SYT17: variants seen among roughly 807,000 people sequenced by gnomAD.
SYT17 encodes the protein synaptotagmin-17.
SYT17 carries 22 observed loss-of-function variants against 46.7 expected under a neutral mutation model. That is an observed-to-expected ratio of 0.47 (90% CI 0.34 to 0.67). SYT17 has a LOEUF of 0.67. Ranked by LOEUF, SYT17 falls within the 30% of genes least tolerant of loss-of-function variation. The pLI is 0.01. For missense variants in SYT17, 519 were observed against 612.8 expected, an observed-to-expected ratio of 0.85 and a Z score of 1.62; for synonymous variants, 251 against 248.4, an observed-to-expected ratio of 1.01 and a Z score of -0.10.
In SYT17 at chr16:19,211,033, G is replaced by C. The variant is rs74011541; in HGVS notation, c.952-12012G>C. The C allele has an allele frequency of 3.8e-3, 638 of 169,948 alleles. 8 individuals carry two copies. Among genetic ancestry groups the C allele is most frequent in the African/African-American group, 0.015 (612 of 42,180 alleles). 10.5% of individuals were successfully genotyped at this position (169,948 alleles called of 1,614,324 possible). On this transcript the variant is annotated intron_variant, in intron 5 of 7. Transcript: ENST00000355377. ...TGCCGGGAGAGAGAATTTTTGTCTG[G>C]GTAGAGAGGAGAGAGCTGAGCCACA...
At chr16:19,187,866 C>T (rs761661164) in intron 5 of SYT17, among the ~76,000 whole-genome samples, 7 of 152,134 alleles carry the variant, frequency 4.6e-5, no homozygotes, top group Non-Finnish European at 1.5e-5. Flanking sequence ...GAAAAAGGAA[C>T]GCTTATACAC....
intron 7 of SYT17, among the ~76,000 whole-genome samples, chr16:19,232,865 A>AACAC (rs1966754364): frequency 6.6e-6 from 1 of 151,234 alleles, no homozygotes; most frequent in Admixed American, 6.6e-5. Flanking sequence ...CAAACAAACA[A>AACAC]ACTCTCTAGC....
intron 5 of SYT17, among the ~76,000 whole-genome samples, chr16:19,192,593 A>G (rs1440075184): frequency 3.8e-4 from 58 of 152,146 alleles, no homozygotes; most frequent in Admixed American, 3.8e-3. Context: ...TTCATAAGAA[A>G]ACGTTGAGGA....
chr16:19,176,711 C>G (rs545855151), intron 3 of SYT17, among the ~76,000 whole-genome samples: 15 of 152,274 alleles, frequency 9.9e-5, no homozygotes, highest in African/African-American at 3.1e-4. Context: ...AGATAGGCGT[C>G]TCATTGTGTT....
At chr16:19,224,599 GGAT>G (rs1966435103) in intron 6 of SYT17, 81 bp from the exon 7 acceptor site, 2 of 1,457,630 alleles carry the variant, frequency 1.4e-6, no homozygotes, top group African/African-American at 2.8e-5. Context: ...AAAGACAGAT[GGAT>G]GGGAGGTTGA....
chr16:19,255,174 C>T (rs1048215402), intron 7 of SYT17, among the ~76,000 whole-genome samples: 4 of 152,132 alleles, frequency 2.6e-5, no homozygotes, highest in Non-Finnish European at 4.4e-5. Context: ...GCTCCTTTAC[C>T]CTGTGAATCT....
intron 7 of SYT17, among the ~76,000 whole-genome samples, chr16:19,242,081 G>C (rs906362210): frequency 1.3e-5 from 2 of 152,198 alleles, no homozygotes; most frequent in African/African-American, 2.4e-5. Context: ...ACTAGAATCT[G>C]AGCTCTCAGT....
intron 7 of SYT17, among the ~76,000 whole-genome samples, chr16:19,227,101 C>A (rs536046258): frequency 1.3e-5 from 2 of 152,252 alleles, no homozygotes; most frequent in East Asian, 3.9e-4. Context: ...ATACAGGACA[C>A]TTCACAGGAT....
intron 7 of SYT17, among the ~76,000 whole-genome samples, chr16:19,261,593 G>A (rs1968980380): frequency 1.3e-5 from 2 of 152,164 alleles, no homozygotes. Context: ...CTTTCTGTAA[G>A]AAGTTCAAAC....
intron 5 of SYT17, among the ~76,000 whole-genome samples, chr16:19,202,570 A>G (rs1394104052): frequency 2.0e-5 from 3 of 152,158 alleles, no homozygotes; most frequent in African/African-American, 7.2e-5. Flanking sequence ...TGGTGTCAGA[A>G]CTCAACCTCC....
chr16:19,170,196 T>C (rs570667580), intron 1 of SYT17: 1 of 152,268 alleles, frequency 6.6e-6, no homozygotes, highest in Admixed American at 6.5e-5. Context: ...GCACCAAAAC[T>C]GCTATGGACA....
intron 5 of SYT17, among the ~76,000 whole-genome samples, chr16:19,203,216 C>T (rs1046224585): frequency 6.6e-6 from 1 of 152,098 alleles, no homozygotes. Flanking sequence ...CTTGGCCAGG[C>T]GCAGTGGCTC....
intron 7 of SYT17, among the ~76,000 whole-genome samples, chr16:19,240,469 AGTCTACCCATC>A (rs1420865252): frequency 6.6e-6 from 1 of 151,906 alleles, no homozygotes; most frequent in Non-Finnish European, 1.5e-5. Context: ...GACAGCCTGT[AGTCTACCCATC>A]GTCTCTCTGT....
intron 1 of SYT17, chr16:19,170,731 TC>T (rs1964048340): frequency 6.6e-6 from 1 of 152,178 alleles, no homozygotes; most frequent in Admixed American, 6.5e-5. Context: ...TTCCCTGTAT[TC>T]AGAAAATGGT....
At chr16:19,184,711 C>A (rs142180906) in intron 5 of SYT17, among the ~76,000 whole-genome samples, 1 of 152,060 alleles carries the variant, frequency 6.6e-6, no homozygotes, top group African/African-American at 2.4e-5. Context: ...TTCCTGTAAC[C>A]ACCACCACTC....
At chr16:19,225,922 C>T (rs1966481430) in intron 7 of SYT17, among the ~76,000 whole-genome samples, 1 of 152,162 alleles carries the variant, frequency 6.6e-6, no homozygotes, top group Admixed American at 6.6e-5. Flanking sequence ...TTCACTAGGT[C>T]CAGCCCACAC....
At chr16:19,248,963 T>C (rs939341225) in intron 7 of SYT17, among the ~76,000 whole-genome samples, 2 of 152,024 alleles carry the variant, frequency 1.3e-5, no homozygotes, top group Admixed American at 6.6e-5. Context: ...TTTATATGGA[T>C]TTCTACTAAA....
chr16:19,231,580 A>G (rs2269786), intron 7 of SYT17, among the ~76,000 whole-genome samples: 1 of 147,284 alleles, frequency 6.8e-6, no homozygotes, highest in African/African-American at 2.5e-5. Context: ...TCCCTTGGCA[A>G]ACTTGATCAA....
At position 19,219,331 on chromosome 16, in the gene SYT17, A is replaced by G. The variant is rs1966212501; in HGVS notation, c.952-3714A>G. Among the ~76,000 whole-genome samples, 3 of 32,588 alleles carry G rather than the reference A, an allele frequency of 9.2e-5. 1 individual carries two copies. Among genetic ancestry groups the G allele is most frequent in the Non-Finnish European group, 1.4e-4 (3 of 21,104 alleles). 21.4% of individuals were successfully genotyped at this position (32,588 alleles called of 152,430 possible). A position where few individuals can be genotyped will look rare whatever the true frequency, so the allele number is the denominator to read the frequency against. On this transcript the variant is annotated intron_variant, in intron 5 of 7. Transcript: ENST00000355377. ...GCAGGAGAATGGCGTGAACCCGGGA[A>G]GCGGAGCTTGCAGTGAGCCGAGATT...
Sources: gnomAD v4.1 joint callset for allele counts (sites outside exome capture counted in the v4.1 genomes callset) on GRCh38, gnomAD v4.1.1 for gene constraint, MANE v1.5 for transcripts, NCBI Gene and HGNC (gene_info 2026-07-23, HGNC 2026-07-21) for gene names.